The following CPD variants were observed in gnomAD, a reference collection of about 807,000 sequenced individuals.
CPD encodes the protein carboxypeptidase D, also known as metallocarboxypeptidase D.
A neutral mutation model predicts 138.3 loss-of-function variants in CPD; 69 were observed. The observed-to-expected ratio is 0.50, with a 90% confidence interval of 0.41 to 0.61. The LOEUF is 0.61. CPD is among the 20% of genes least tolerant of loss of function. The probability of loss-of-function intolerance (pLI) is 0.00; values close to 1 mark genes in which losing one functional copy is unlikely to be tolerated. For missense variants in CPD, 1,432 were observed against 1,733.3 expected, an observed-to-expected ratio of 0.83 and a Z score of 3.09; for synonymous variants, 651 against 642.1, an observed-to-expected ratio of 1.01 and a Z score of -0.21.
chr17:30,413,908 T>C (rs1184776367), intron 2 of CPD, among the ~76,000 whole-genome samples: 1 of 152,080 alleles, frequency 6.6e-6, no homozygotes, highest in Non-Finnish European at 1.5e-5. Flanking sequence ...GAGCTGGGGT[T>C]GAGGGAGTTA....
chr17:30,385,335 C>T, intron 2 of CPD, 99 bp downstream of exon 2: 1 of 1,370,840 alleles, frequency 7.3e-7, no homozygotes, highest in Non-Finnish European at 9.9e-7. Context: ...AGAAATCTAA[C>T]TTTAAAAGAT....
rs1378126844 is a variant in CPD at position 30,423,010 on chromosome 17, T to C, written c.1644T>C (p.Gly548=). 2 of 1,610,482 alleles carry C rather than the reference T, an allele frequency of 1.2e-6. No individual in the cohort carries two copies. Among genetic ancestry groups the C allele is most frequent in the African/African-American group, 2.7e-5 (2 of 74,864 alleles). Residue 548 remains glycine, a synonymous_variant, in exon 5 of 21, where the codon GGT becomes GGC. Coordinates refer to ENST00000225719, the MANE Select transcript of CPD (RefSeq NM_001304.5). ...TGATGGAGATATCTGATAATCCGGG[T>C]GTCCATGAACCAGGTAATTGGTATG... ...LYVMEISDNP[G]VHEPGEPEFK...
Position 30,423,018 on chromosome 17 carries a change from A to T in CPD, c.1652A>T (p.Glu551Val). The change falls in exon 5 of 21, where the codon GAA becomes GTA. Residue 551 changes from glutamate to valine, a missense_variant. By Grantham distance (121) the Glu-to-Val change is moderately radical (BLOSUM62 -2). This residue lies in a region of CPD where 297 missense variants were observed against 405.3 expected (regional missense o/e 0.73). Coordinates refer to ENST00000225719, the MANE Select transcript of CPD (RefSeq NM_001304.5). ...ATATCTGATAATCCGGGTGTCCATG[A>T]ACCAGGTAATTGGTATGGTCTTACA... is the stretch of plus-strand genomic sequence containing the variant. ...MEISDNPGVHEPGEPEFKYIG... is the reference protein window; with the variant it reads ...MEISDNPGVHVPGEPEFKYIG... 6.2e-7 allele frequency: 1 copy of T among 1,606,276 alleles called. No individual in the cohort carries two copies. The highest frequency in any genetic ancestry group is 8.5e-7 in the Non-Finnish European group (1 of 1,174,708).
At chr17:30,387,353 G>A (rs941165133) in intron 2 of CPD, among the ~76,000 whole-genome samples, 1 of 152,066 alleles carries the variant, frequency 6.6e-6, no homozygotes, top group African/African-American at 2.4e-5. Context: ...TCCTGACCTC[G>A]AGTGATCTAC....
chr17:30,444,182 C>T (rs1265768601), intron 11 of CPD: 2 of 422,354 alleles, frequency 4.7e-6, no homozygotes, highest in Non-Finnish European at 8.5e-6. Flanking sequence ...GGTAAATATT[C>T]TAGTTATTGC....
Position 30,466,426 on chromosome 17 carries a change from A to T in CPD, c.*1612A>T, listed in dbSNP as rs1460346607. On this transcript the variant is annotated 3_prime_UTR_variant, in exon 21 of 21. Transcript: ENST00000225719. ...AAGATTTTCTTTAGCAAGAATAATG[A>T]GGTCATGTCATTTGTTAATAAGTAT... 2 of 152,594 alleles carry T rather than the reference A, an allele frequency of 1.3e-5. No individual in the cohort carries two copies. The highest frequency in any genetic ancestry group is 4.8e-5 in the African/African-American group (2 of 41,444). The allele number at this position is 152,594 out of a possible 1,614,324, so 9.5% of individuals were successfully genotyped here.
At chr17:30,416,928 C>G (rs894089578) in intron 2 of CPD, among the ~76,000 whole-genome samples, 3 of 152,118 alleles carry the variant, frequency 2.0e-5, no homozygotes, top group Admixed American at 2.0e-4. Flanking sequence ...TGGTGAAACC[C>G]CGTCTCTACT....
At position 30,379,754 on chromosome 17, in the gene CPD, C is replaced by G; in HGVS notation, c.746+28C>G. On this transcript the variant is annotated intron_variant, in intron 1 of 20. Transcript: ENST00000225719. This position sits in a 1 kb window ranked among gnomAD's most constrained non-coding sequence, Gnocchi z 7.0. Reference sequence around the variant, plus strand: ...GAGTGTTGCCTGCCCCCTCCCCGTCCGTGTGAGCCTCCAAGGGCCGAGGCT... The same window carrying G: ...GAGTGTTGCCTGCCCCCTCCCCGTCGGTGTGAGCCTCCAAGGGCCGAGGCT... 1.4e-6 allele frequency: 2 copies of G among 1,406,214 alleles called. No individual in the cohort carries two copies. Among genetic ancestry groups the G allele is most frequent in the Non-Finnish European group, 1.8e-6 (2 of 1,081,466 alleles). 87.1% of individuals were successfully genotyped at this position (1,406,214 alleles called of 1,614,324 possible). A position where few individuals can be genotyped will look rare whatever the true frequency, so the allele number is the denominator to read the frequency against.
At chr17:30,385,259 T>A (rs1911152840) in intron 2 of CPD, 23 bp downstream of exon 2, 2 of 1,610,960 alleles carry the variant, frequency 1.2e-6, no homozygotes, top group Non-Finnish European at 1.7e-6. Context: ...TTGAGTTTGC[T>A]ACATTTTCCC....
rs183192578 is a variant in CPD at position 30,468,146 on chromosome 17, A to T, written c.*3332A>T. 13 of 152,660 alleles carry T rather than the reference A, an allele frequency of 8.5e-5. No individual in the cohort carries two copies. The highest frequency in any genetic ancestry group is 7.8e-4 in the Admixed American group (12 of 15,288). The allele number at this position is 152,660 out of a possible 1,614,324, so 9.5% of individuals were successfully genotyped here. On this transcript the variant is annotated 3_prime_UTR_variant, in exon 21 of 21. Coordinates refer to ENST00000225719, the MANE Select transcript of CPD (RefSeq NM_001304.5). Reference sequence around the variant, plus strand: ...CCCATTTATCCTATTTTTAGCAATAATTCGTTAATGATTCCACTTGATTTT... The same window carrying T: ...CCCATTTATCCTATTTTTAGCAATATTTCGTTAATGATTCCACTTGATTTT...
At chr17:30,397,532 A>T (rs1006108732) in intron 2 of CPD, among the ~76,000 whole-genome samples, 6 of 152,194 alleles carry the variant, frequency 3.9e-5, no homozygotes, top group African/African-American at 1.4e-4. Context: ...GAGGACTTCA[A>T]GACCAGCCTG....
rs77379543 is a variant in CPD at position 30,445,842 on chromosome 17, A to T, written c.2695A>T (p.Thr899Ser). 38 of 1,614,142 alleles carry T rather than the reference A, an allele frequency of 2.4e-5. No homozygotes were observed. In the African/African-American group the frequency reaches 4.8e-4, roughly 20 times the overall value. Residue 899 changes from threonine (T) to serine (S), a missense_variant, in exon 12 of 21, where the codon ACT becomes TCT. Thr to Ser is a moderately conservative substitution (Grantham distance 58). Around this residue, in one of 6 missense-constraint regions of CPD, gnomAD observed 124 missense variants for 117.0 expected, o/e 1.06. Coordinates refer to ENST00000225719, the MANE Select transcript of CPD (RefSeq NM_001304.5). ...SSTNDASDPT[T>S]KEFETLIKDL... ...CACCAATGATGCCAGTGATCCAACT[A>T]CTAAAGAGTTTGAAACTTTAATTAA...
chr17:30,430,976 G>A (rs1010853141), intron 7 of CPD, among the ~76,000 whole-genome samples: 1 of 152,014 alleles, frequency 6.6e-6, no homozygotes, highest in Non-Finnish European at 1.5e-5. Flanking sequence ...AGTTCTTTTG[G>A]GTGTACACTT....
chr17:30,393,426 A>G (rs1188444032), intron 2 of CPD, among the ~76,000 whole-genome samples: 1 of 152,252 alleles, frequency 6.6e-6, no homozygotes, highest in Non-Finnish European at 1.5e-5. Flanking sequence ...GATATTATGA[A>G]TTAACCCAGT....
At chr17:30,464,556 A>G (rs748596164) in intron 20 of CPD, 32 bp from the exon 21 acceptor site, 2 of 1,566,578 alleles carry the variant, frequency 1.3e-6, no homozygotes, top group South Asian at 1.1e-5. Flanking sequence ...TTAAAGTATA[A>G]TATCACCCAC....
chr17:30,415,462 GA>G (rs952085324), intron 2 of CPD, among the ~76,000 whole-genome samples: 1 of 151,668 alleles, frequency 6.6e-6, no homozygotes, highest in Non-Finnish European at 1.5e-5. Flanking sequence ...CTACAGAAAG[GA>G]AAAAAATATT....
At chr17:30,419,465 G>A (rs188977249) in intron 2 of CPD, among the ~76,000 whole-genome samples, 8 of 152,058 alleles carry the variant, frequency 5.3e-5, no homozygotes, top group Non-Finnish European at 7.4e-5. Flanking sequence ...TCAGCCTCCC[G>A]AGTAGCTGGG....
intron 14 of CPD, 99 bp downstream of exon 14, chr17:30,451,945 T>C: frequency 8.7e-7 from 1 of 1,154,250 alleles, no homozygotes; most frequent in Non-Finnish European, 1.2e-6. Flanking sequence ...ATGGAGTACT[T>C]TCTTGTCTGG....
rs769358942 is a variant in CPD at position 30,443,986 on chromosome 17, G to C, written c.2543+15G>C. ...TCTGCTCGAGGGTGAGTGACTGAATGCTTTGAAATAGAGTGCTCGGAGGAC... is the reference window on the plus strand; with the variant it reads ...TCTGCTCGAGGGTGAGTGACTGAATCCTTTGAAATAGAGTGCTCGGAGGAC... On this transcript the variant is annotated intron_variant, in intron 11 of 20. Coordinates refer to ENST00000225719, the MANE Select transcript of CPD (RefSeq NM_001304.5). 19 of 1,613,026 alleles carry C rather than the reference G, an allele frequency of 1.2e-5. No homozygotes were observed. The African/African-American group carries it at 2.5e-4, about 22-fold the overall frequency.
Sources: allele counts gnomAD v4.1 joint callset (sites outside exome capture counted in the v4.1 genomes callset), GRCh38; gene constraint gnomAD v4.1.1; regional missense constraint gnomAD v4.1.1; non-coding constraint Gnocchi (gnomAD v3.1); transcripts MANE v1.5; gene names NCBI Gene and HGNC (gene_info 2026-07-23, HGNC 2026-07-21).